The following TBC1D9 variants were observed in gnomAD, a reference collection of about 807,000 sequenced individuals.
TBC1D9 encodes the protein TBC1 domain family member 9.
TBC1D9 carries 63 observed loss-of-function variants against 132.0 expected under a neutral mutation model. That is an observed-to-expected ratio of 0.48 (90% CI 0.39 to 0.59). The LOEUF (loss-of-function observed/expected upper bound fraction) is 0.59. Among genes scored for constraint, TBC1D9 ranks in the 20% least tolerant of loss-of-function variants. The pLI, the probability that TBC1D9 is intolerant of heterozygous loss-of-function variation, is 0.00. For synonymous variants in TBC1D9, 610 were observed against 609.9 expected (o/e 1.00, Z 0.00); for missense variants, 1,261 against 1,592.7 (o/e 0.79, Z 3.54).
At chr4:140,646,106 C>T (rs944555582) in intron 13 of TBC1D9, among the ~76,000 whole-genome samples, 2 of 152,214 alleles carry the variant, frequency 1.3e-5, no homozygotes, top group Non-Finnish European at 2.9e-5. Context: ...TGCTGATTCA[C>T]ATGTAAGTGC....
Position 140,657,156 on chromosome 4 carries a change from C to T in TBC1D9, c.2278G>A (p.Asp760Asn), listed in dbSNP as rs775579715. ...PIPHLHSLLS[D>N]DVEPYPEVDI... Reference sequence around the variant, plus strand: ...ACCTCAGGGTAAGGTTCCACATCATCGCTGAGCAAGGAGTGGAGGTGAGGA... The same window carrying T: ...ACCTCAGGGTAAGGTTCCACATCATTGCTGAGCAAGGAGTGGAGGTGAGGA... Residue 760 changes from aspartate (D) to asparagine (N), a missense_variant, in exon 13 of 21, where the codon GAT (aspartate) becomes AAT (asparagine). Transcript: ENST00000442267. 16 of 1,613,776 alleles carry T rather than the reference C, an allele frequency of 9.9e-6. No homozygotes were observed. The highest frequency in any genetic ancestry group is 1.3e-5 in the African/African-American group (1 of 74,912).
intron 13 of TBC1D9, among the ~76,000 whole-genome samples, chr4:140,649,167 G>A (rs114134528): frequency 0.015 from 2,209 of 152,288 alleles, 43 homozygotes; most frequent in South Asian, 0.055. Context: ...AAAACACCCA[G>A]CAAAGCAACA....
At chr4:140,629,910 T>G (rs1425916780) in intron 16 of TBC1D9, among the ~76,000 whole-genome samples, 1 of 152,240 alleles carries the variant, frequency 6.6e-6, no homozygotes, top group South Asian at 2.1e-4. Flanking sequence ...ACTTCATATG[T>G]ATAATCCCAC....
intron 2 of TBC1D9, among the ~76,000 whole-genome samples, chr4:140,693,931 T>A (rs150948005): frequency 8.5e-5 from 13 of 152,324 alleles, no homozygotes; most frequent in African/African-American, 3.1e-4. Flanking sequence ...TCATTCAGCC[T>A]TGGCAATAAG....
intron 1 of TBC1D9, among the ~76,000 whole-genome samples, chr4:140,728,755 C>T (rs1738538349): frequency 2.0e-5 from 3 of 152,110 alleles, no homozygotes; most frequent in Non-Finnish European, 2.9e-5. Flanking sequence ...CTCTGCCTCT[C>T]GGGTTCAAGC....
At position 140,628,323 on chromosome 4, in the gene TBC1D9, A is replaced by C. The variant is rs1463492094; in HGVS notation, c.2789T>G (p.Leu930Arg). Residue 930 changes from leucine (L) to arginine (R), a missense_variant, in exon 17 of 21, where the codon CTG (leucine) becomes CGG (arginine). Physicochemically the swap from Leu to Arg is moderately radical, Grantham distance 102. This residue lies in a region of TBC1D9 where 618 missense variants were observed against 724.4 expected (regional missense o/e 0.85). Coordinates refer to ENST00000442267, the MANE Select transcript of TBC1D9 (RefSeq NM_015130.3). The stretch of plus-strand genomic sequence containing the variant: ...ACCAGGCAAGACGTGCATTTTGTAC[A>C]GGAGTTTGAGCTTCTCTGTGAGGTC... The part of the protein sequence containing the change: ...HGDLTEKLKL[L>R]YKMHVLPEPS... 1 of 1,613,948 alleles carries C rather than the reference A, an allele frequency of 6.2e-7. No individual in the cohort carries two copies. The highest frequency in any genetic ancestry group is 8.5e-7 in the Non-Finnish European group (1 of 1,179,812).
chr4:140,665,070 G>A (rs1280551327), intron 9 of TBC1D9, among the ~76,000 whole-genome samples: 1 of 147,960 alleles, frequency 6.8e-6, no homozygotes, highest in Admixed American at 6.8e-5. Context: ...TTATGCCATT[G>A]CACTCCAGCC....
intron 13 of TBC1D9, among the ~76,000 whole-genome samples, chr4:140,647,483 G>T (rs1473334447): frequency 1.3e-5 from 2 of 152,196 alleles, no homozygotes; most frequent in Non-Finnish European, 2.9e-5. Flanking sequence ...ATGTGAGTGG[G>T]CAACTCAGTT....
intron 15 of TBC1D9, among the ~76,000 whole-genome samples, chr4:140,636,529 T>C (rs562973172): frequency 6.6e-6 from 1 of 152,132 alleles, no homozygotes; most frequent in African/African-American, 2.4e-5. Flanking sequence ...GCTACAAATA[T>C]ATGCTACCAT....
intron 13 of TBC1D9, chr4:140,642,695 G>A (rs938787483): frequency 1.1e-5 from 7 of 665,440 alleles, no homozygotes; most frequent in South Asian, 5.8e-5. Flanking sequence ...TCCAATAAGG[G>A]CATTGTGTTC....
chr4:140,669,715 A>G lies in TBC1D9; in HGVS notation c.1356T>C (p.Asn452=), dbSNP rs1737505263. ...DADGERQFNL[N]GNSVPTATQT... Reference sequence around the variant, plus strand: ...GTGTGGCTGTGGGGACGCTGTTGCCATTTAGGTTAAACTGGCGCTCTCCAT... The same window carrying G: ...GTGTGGCTGTGGGGACGCTGTTGCCGTTTAGGTTAAACTGGCGCTCTCCAT... Residue 452 remains asparagine, a synonymous_variant, in exon 8 of 21, where the codon AAT becomes AAC. Transcript: ENST00000442267. The G allele has an allele frequency of 6.2e-7, 1 of 1,613,858 alleles. No individual in the cohort carries two copies. Among genetic ancestry groups the G allele is most frequent in the Non-Finnish European group, 8.5e-7 (1 of 1,179,902 alleles).
intron 1 of TBC1D9, among the ~76,000 whole-genome samples, chr4:140,705,393 G>A (rs1430589311): frequency 1.3e-5 from 2 of 152,082 alleles, no homozygotes; most frequent in Non-Finnish European, 2.9e-5. Context: ...TCTCCAGACT[G>A]AGAGTTCCTT....
At chr4:140,655,072 A>G (rs963576231) in intron 13 of TBC1D9, among the ~76,000 whole-genome samples, 1 of 152,168 alleles carries the variant, frequency 6.6e-6, no homozygotes, top group African/African-American at 2.4e-5. Context: ...CTCATGGTAT[A>G]CATAGAAAAT....
chr4:140,700,048 T>C (rs943584486), intron 2 of TBC1D9, among the ~76,000 whole-genome samples: 9 of 152,078 alleles, frequency 5.9e-5, no homozygotes, highest in African/African-American at 2.2e-4. Context: ...TGCAATCCCT[T>C]TACTTTGGGA....
intron 1 of TBC1D9, among the ~76,000 whole-genome samples, chr4:140,722,870 G>C (rs937289331): frequency 6.6e-6 from 1 of 152,072 alleles, no homozygotes; most frequent in African/African-American, 2.4e-5. Flanking sequence ...TTCACCGGGA[G>C]TTCTCCTCCC....
At chr4:140,704,152 C>G (rs765436862) in intron 1 of TBC1D9, among the ~76,000 whole-genome samples, 3 of 152,134 alleles carry the variant, frequency 2.0e-5, no homozygotes, top group African/African-American at 4.8e-5. Context: ...AATCCCAGCA[C>G]TTTGGGAGGC....
Position 140,621,250 on chromosome 4 carries a change from G to A in TBC1D9, c.*945C>T, listed in dbSNP as rs1317966097. ...GAAAGATGGTCATATGCGATATGTG[G>A]TATAAATTTCTTCAATCTATGGAGA... On this transcript the variant is annotated 3_prime_UTR_variant, in exon 21 of 21. Coordinates refer to ENST00000442267, the MANE Select transcript of TBC1D9 (RefSeq NM_015130.3). The A allele has an allele frequency of 6.6e-6, 1 of 152,584 alleles. No individual in the cohort carries two copies. Among genetic ancestry groups the A allele is most frequent in the Non-Finnish European group, 1.5e-5 (1 of 68,018 alleles). The allele number at this position is 152,584 out of a possible 1,614,324, so 9.5% of individuals were successfully genotyped here.
In TBC1D9 at chr4:140,697,312, G is replaced by A. The variant is rs189645702; in HGVS notation, c.241+4192C>T. Among the ~76,000 whole-genome samples the A allele has an allele frequency of 3.3e-5, 5 of 152,236 alleles. No individual in the cohort carries two copies. The East Asian group carries it at 9.6e-4, about 29-fold the overall frequency. On this transcript the variant is annotated intron_variant, in intron 2 of 20. Transcript: ENST00000442267. ...TGGGAGGATCACTCAAGCCTGGGAG[G>A]CAGAGGTTGCAGTGAGCCAAGATCA...
intron 1 of TBC1D9, among the ~76,000 whole-genome samples, chr4:140,746,668 T>C (rs538022473): frequency 1.3e-5 from 2 of 151,766 alleles, no homozygotes; most frequent in African/African-American, 2.4e-5. Flanking sequence ...AAGAGAGAAA[T>C]AAGAGCCAAG....
Sources: gnomAD v4.1 joint callset for allele counts (sites outside exome capture counted in the v4.1 genomes callset) on GRCh38, gnomAD v4.1.1 for gene constraint, gnomAD v4.1.1 regional missense constraint, MANE v1.5 for transcripts, NCBI Gene and HGNC (gene_info 2026-07-23, HGNC 2026-07-21) for gene names.